Variants in RAD51C observed in about 807,000 individuals in gnomAD.
The protein encoded by RAD51C is DNA repair protein RAD51 homolog 3.
A neutral mutation model predicts 45.0 loss-of-function variants in RAD51C; 42 were observed. That is an observed-to-expected ratio of 0.93 (90% CI 0.73 to 1.21). RAD51C has a LOEUF of 1.21. RAD51C is among the 50% of genes most tolerant of loss of function. The pLI, the probability that RAD51C is intolerant of heterozygous loss-of-function variation, is 0.00. For missense variants in RAD51C, 474 were observed against 452.2 expected, an observed-to-expected ratio of 1.05 and a Z score of -0.44; for synonymous variants, 172 against 159.8, an observed-to-expected ratio of 1.08 and a Z score of -0.58.
At chr17:58,697,212 A>G (rs1284132407) in intron 3 of RAD51C, among the ~76,000 whole-genome samples, 2 of 152,196 alleles carry the variant, frequency 1.3e-5, no homozygotes, top group East Asian at 3.8e-4. Flanking sequence ...GGACTTCCAT[A>G]TTGGTTTTCC....
intron 1 of RAD51C, 70 bp downstream of exon 1, chr17:58,692,858 G>T (rs2143684408): frequency 6.2e-7 from 1 of 1,608,622 alleles, no homozygotes; most frequent in Non-Finnish European, 8.5e-7. Context: ...TCGTTCTCTC[G>T]CCTCGGCCTT....
chr17:58,735,137 A>T lies in RAD51C; in HGVS notation c.*915A>T, dbSNP rs1405550616. 1 of 152,140 alleles carries T rather than the reference A, an allele frequency of 6.6e-6. No individual in the cohort carries two copies. The highest frequency in any genetic ancestry group is 1.9e-4 in the East Asian group (1 of 5,206). 9.4% of individuals were successfully genotyped at this position (152,140 alleles called of 1,614,324 possible). Reference sequence around the variant, plus strand: ...TTTGGAGCTGTTATCTCATCTAGAGATTGTTTGGAACATATGTCTTCCAGA... The same window carrying T: ...TTTGGAGCTGTTATCTCATCTAGAGTTTGTTTGGAACATATGTCTTCCAGA... On this transcript the variant is annotated 3_prime_UTR_variant, in exon 9 of 9. Transcript: ENST00000337432.
chr17:58,722,394 C>T (rs2048948003), intron 6 of RAD51C, among the ~76,000 whole-genome samples: 1 of 152,166 alleles, frequency 6.6e-6, no homozygotes, highest in South Asian at 2.1e-4. Context: ...TACAGTAGCC[C>T]TTGCTACATG....
At chr17:58,726,017 CAAG>C (rs1212448427) in intron 7 of RAD51C, among the ~76,000 whole-genome samples, 1 of 136,586 alleles carries the variant, frequency 7.3e-6, no homozygotes. Flanking sequence ...AAAAAAAAAA[CAAG>C]AAAATGATGT....
At chr17:58,702,608 G>A (rs1014039303) in intron 3 of RAD51C, among the ~76,000 whole-genome samples, 1 of 151,668 alleles carries the variant, frequency 6.6e-6, no homozygotes, top group Non-Finnish European at 1.5e-5. Flanking sequence ...CAGGACAGTC[G>A]CTTGAGCCCA....
chr17:58,720,675 C>T (rs1466970090), intron 5 of RAD51C, 71 bp from the exon 6 acceptor site: 54 of 1,190,784 alleles, frequency 4.5e-5, no homozygotes, highest in Middle Eastern at 4.2e-4. Context: ...GTTTCACAAT[C>T]TTGGCCAGAC....
At chr17:58,730,459 G>A (rs1481080960) in intron 7 of RAD51C, among the ~76,000 whole-genome samples, 1 of 151,842 alleles carries the variant, frequency 6.6e-6, no homozygotes, top group Admixed American at 6.6e-5. Context: ...TTACAGGCGT[G>A]AGCCACCGCA....
chr17:58,695,879 C>T (rs182754089), intron 2 of RAD51C, among the ~76,000 whole-genome samples: 305 of 151,324 alleles, frequency 2.0e-3, no homozygotes, highest in Middle Eastern at 6.9e-3. Flanking sequence ...CCAGCCTAGT[C>T]AACATGGCGA....
intron 5 of RAD51C, among the ~76,000 whole-genome samples, chr17:58,713,963 C>T (rs1380332422): frequency 6.6e-6 from 1 of 151,818 alleles, no homozygotes; most frequent in South Asian, 2.1e-4. Flanking sequence ...TTTTAACCAC[C>T]TCCTTATTGA....
At chr17:58,715,155 A>G (rs2048688275) in intron 5 of RAD51C, among the ~76,000 whole-genome samples, 1 of 151,614 alleles carries the variant, frequency 6.6e-6, no homozygotes, top group African/African-American at 2.4e-5. Context: ...AAAAAAAAAC[A>G]AAAAACCTCT....
rs376251341 is a variant in RAD51C at position 58,697,037 on chromosome 17, CT to C, written c.571+186del. ...TGAGAAATGCCACAGCCTGGACTGG[CT>C]TTTTTTTGTTCCCCTTTTATGGCCC... On this transcript the variant is annotated intron_variant, in intron 3 of 8. Transcript: ENST00000337432. Among the ~76,000 whole-genome samples, 138 of 152,056 alleles carry C rather than the reference CT, an allele frequency of 9.1e-4. 1 individual carries two copies. The highest frequency in any genetic ancestry group is 3.3e-3 in the African/African-American group (135 of 41,474).
At chr17:58,709,709 G>A in intron 4 of RAD51C, 150 bp from the exon 5 acceptor site, 1 of 694,040 alleles carries the variant, frequency 1.4e-6, no homozygotes, top group Non-Finnish European at 2.4e-6. Context: ...GCTATTTACT[G>A]TTCCAGGCAT....
rs1060502596 is a variant in RAD51C at position 58,709,965 on chromosome 17, G to A, written c.812G>A (p.Ser271Asn). The stretch of plus-strand genomic sequence containing the variant: ...AATGGCCTAGCCCAGCAAATGATCA[G>A]CCTTGCAAATAATCACAGATTAGCT... Reference protein sequence around the residue: ...LLNGLAQQMISLANNHRLAVI... With the variant: ...LLNGLAQQMINLANNHRLAVI... The change falls in exon 5 of 9, where the codon AGC becomes AAC. Residue 271 changes from serine (S) to asparagine (N), a missense_variant. Ser to Asn is a conservative substitution (Grantham distance 46). Coordinates refer to ENST00000337432, the MANE Select transcript of RAD51C (RefSeq NM_058216.3). 6.2e-7 allele frequency: 1 copy of A among 1,613,238 alleles called. No homozygotes were observed. Among genetic ancestry groups the A allele is most frequent in the Non-Finnish European group, 8.5e-7 (1 of 1,179,290 alleles).
At chr17:58,723,023 A>G (rs1264254709) in intron 6 of RAD51C, among the ~76,000 whole-genome samples, 2 of 152,190 alleles carry the variant, frequency 1.3e-5, no homozygotes, top group Non-Finnish European at 2.9e-5. Context: ...CCTATTAGTA[A>G]TTGTTAACCA....
chr17:58,697,559 C>CA (rs547599226), intron 3 of RAD51C, among the ~76,000 whole-genome samples: 40,450 of 135,738 alleles, frequency 0.3, 6,574 homozygotes, highest in Middle Eastern at 0.43. Flanking sequence ...AAAAAAAAAC[C>CA]AAAAAAAAAA....
intron 7 of RAD51C, among the ~76,000 whole-genome samples, chr17:58,726,537 T>A (rs1228911898): frequency 8.3e-6 from 1 of 120,512 alleles, no homozygotes; most frequent in Admixed American, 8.3e-5. Context: ...TATGTATATA[T>A]GTGTATAAGT....
At chr17:58,693,953 A>G (rs1405720260) in intron 1 of RAD51C, 1 of 152,240 alleles carries the variant, frequency 6.6e-6, no homozygotes. Context: ...TATCAGATCA[A>G]GCACTGATAT....
rs1342615534 is a variant in RAD51C at position 58,734,717 on chromosome 17, C to G, written c.*495C>G. The G allele has an allele frequency of 6.2e-6, 1 of 160,354 alleles. No individual in the cohort carries two copies. The highest frequency in any genetic ancestry group is 1.4e-5 in the Non-Finnish European group (1 of 74,024). The allele number at this position is 160,354 out of a possible 1,614,324, so 9.9% of individuals were successfully genotyped here. ...TCAAGCGATTCATCTGCCTCAGCCT[C>G]CCGAGTAGCTGGGGTTACAGGCACC... On this transcript the variant is annotated 3_prime_UTR_variant, in exon 9 of 9. Transcript: ENST00000337432.
At chr17:58,696,590 T>G in intron 2 of RAD51C, 103 bp from the exon 3 acceptor site, 1 of 1,389,560 alleles carries the variant, frequency 7.2e-7, no homozygotes, top group African/African-American at 1.4e-5. Context: ...ATATTTACAT[T>G]TATAAAACTT....
Sources: allele counts gnomAD v4.1 joint callset (sites outside exome capture counted in the v4.1 genomes callset), GRCh38; gene constraint gnomAD v4.1.1; transcripts MANE v1.5; gene names NCBI Gene and HGNC (gene_info 2026-07-23, HGNC 2026-07-21).